The following AK5 variants were observed in gnomAD, a reference collection of about 807,000 sequenced individuals.
AK5 encodes the protein adenylate kinase 5.
A neutral mutation model predicts 69.5 loss-of-function variants in AK5; 27 were observed. That is an observed-to-expected ratio of 0.39 (90% CI 0.29 to 0.54). AK5 has a LOEUF of 0.54. Ranked by LOEUF, AK5 falls within the 20% of genes least tolerant of loss-of-function variation. The pLI is 0.71. For missense variants in AK5, 531 were observed against 700.4 expected, an observed-to-expected ratio of 0.76 and a Z score of 2.73; for synonymous variants, 260 against 244.4, an observed-to-expected ratio of 1.06 and a Z score of -0.60.
rs1177938723 is a variant in AK5, at chr1:77,340,480, T to C, written c.803T>C (p.Val268Ala). 1 of 1,614,146 alleles carries C rather than the reference T, an allele frequency of 6.2e-7. No homozygotes were observed. The highest frequency in any genetic ancestry group is 8.5e-7 in the Non-Finnish European group (1 of 1,179,996). The part of the protein sequence containing the change: ...AEQQGRPDDN[V>A]KATQRRLMNF... ...CAGCAGGGCCGACCAGACGACAATG[T>C]AAAAGCTACCCAAAGGAGACTAATG... is the stretch of plus-strand genomic sequence containing the variant. Residue 268 changes from valine (V) to alanine (A), a missense_variant, in exon 6 of 14, where the codon GTA (valine) becomes GCA (alanine). By Grantham distance (64) the Val-to-Ala change is moderately conservative. Transcript: ENST00000354567.
chr1:77,359,662 T>A (rs1466409022), intron 6 of AK5, among the ~76,000 whole-genome samples: 1 of 152,136 alleles, frequency 6.6e-6, no homozygotes, highest in Non-Finnish European at 1.5e-5. Flanking sequence ...AACATAGCAA[T>A]ATGGTATCTG....
rs1219573099 is a variant in AK5 at position 77,390,678 on chromosome 1, G to A, written c.892-20303G>A. Among the ~76,000 whole-genome samples, 7 of 152,142 alleles carry A rather than the reference G, an allele frequency of 4.6e-5. No homozygotes were observed. The East Asian group carries it at 1.2e-3, about 25-fold the overall frequency. ...TTTATTTCAACTTTGGAAGAACATA[G>A]GAAATAAAAGCAAACACAAAATGTT... On this transcript the variant is annotated intron_variant, in intron 6 of 13. Transcript: ENST00000354567.
chr1:77,459,755 T>C (rs1653713019), intron 8 of AK5, among the ~76,000 whole-genome samples: 1 of 152,200 alleles, frequency 6.6e-6, no homozygotes, highest in Non-Finnish European at 1.5e-5. Context: ...CCTCAGTACA[T>C]GGTGGCTATC....
intron 5 of AK5, among the ~76,000 whole-genome samples, chr1:77,327,438 G>C (rs1660862489): frequency 6.6e-6 from 1 of 151,672 alleles, no homozygotes. Flanking sequence ...TTGCTAAATG[G>C]TGACATTAAC....
chr1:77,511,064 T>C (rs1273032801), intron 10 of AK5, among the ~76,000 whole-genome samples: 2 of 151,422 alleles, frequency 1.3e-5, no homozygotes, highest in Admixed American at 6.6e-5. Flanking sequence ...AAATCATATA[T>C]ATAGTACCAC....
intron 6 of AK5, among the ~76,000 whole-genome samples, chr1:77,359,282 A>C (rs1033393611): frequency 4.0e-5 from 6 of 151,890 alleles, no homozygotes; most frequent in Non-Finnish European, 8.8e-5. Context: ...ATAAAAGAGA[A>C]CCCATTAAGA....
At position 77,444,322 on chromosome 1, in the gene AK5, GTA is replaced by G. The variant is rs1161369406; in HGVS notation, c.1059+26616_1059+26617del. On this transcript the variant is annotated intron_variant, in intron 8 of 13. Coordinates refer to ENST00000354567, the MANE Select transcript of AK5 (RefSeq NM_174858.3). ...TATAGTATATATACACAATATATGT[GTA>G]TATATATAGTATATATACACAATAT... Among the ~76,000 whole-genome samples the G allele has an allele frequency of 1.1e-3, 51 of 47,920 alleles. 2 individuals are homozygous for G. Among genetic ancestry groups the G allele is most frequent in the South Asian group, 2.2e-3 (3 of 1,380 alleles). 31.4% of individuals were successfully genotyped at this position (47,920 alleles called of 152,430 possible).
At chr1:77,350,377 G>A (rs1256924194) in intron 6 of AK5, among the ~76,000 whole-genome samples, 1 of 152,188 alleles carries the variant, frequency 6.6e-6, no homozygotes, top group East Asian at 1.9e-4. Flanking sequence ...GTAGTGAGAA[G>A]TAGAAACCAG....
intron 13 of AK5, among the ~76,000 whole-genome samples, chr1:77,556,281 G>A (rs1252420507): frequency 6.6e-6 from 1 of 152,132 alleles, no homozygotes. Flanking sequence ...AGTAACTCAT[G>A]TCCTGGATTT....
chr1:77,363,485 C>T (rs1400239352), intron 6 of AK5, among the ~76,000 whole-genome samples: 1 of 152,190 alleles, frequency 6.6e-6, no homozygotes, highest in African/African-American at 2.4e-5. Flanking sequence ...AAGATGATGT[C>T]ACTTTCCTAT....
intron 8 of AK5, among the ~76,000 whole-genome samples, chr1:77,440,519 C>T (rs1054479320): frequency 6.6e-6 from 1 of 152,128 alleles, no homozygotes; most frequent in Non-Finnish European, 1.5e-5. Flanking sequence ...CATATATCCC[C>T]TCAGACTTGG....
intron 13 of AK5, among the ~76,000 whole-genome samples, chr1:77,553,896 T>A (rs1659941688): frequency 6.6e-6 from 1 of 152,054 alleles, no homozygotes; most frequent in South Asian, 2.1e-4. Context: ...ACAGATTTGC[T>A]GAAAAGAGAT....
intron 12 of AK5, among the ~76,000 whole-genome samples, chr1:77,535,614 C>T (rs1166562181): frequency 2.0e-5 from 3 of 152,066 alleles, no homozygotes; most frequent in South Asian, 2.1e-4. Flanking sequence ...GTCTGCATCA[C>T]GTGAGGTGGC....
At chr1:77,527,423 G>A (rs887383022) in intron 12 of AK5, among the ~76,000 whole-genome samples, 20 of 152,276 alleles carry the variant, frequency 1.3e-4, no homozygotes, top group East Asian at 3.9e-4. Flanking sequence ...TGTGGTCCCC[G>A]TTCAGACCGG....
At chr1:77,418,467 G>A (rs1323745808) in intron 8 of AK5, among the ~76,000 whole-genome samples, 1 of 152,142 alleles carries the variant, frequency 6.6e-6, no homozygotes, top group Admixed American at 6.6e-5. Context: ...TCTGTGGAAG[G>A]GAATGATGAA....
At chr1:77,310,624 AC>A (rs1659896555) in intron 5 of AK5, among the ~76,000 whole-genome samples, 1 of 151,582 alleles carries the variant, frequency 6.6e-6, no homozygotes, top group South Asian at 2.1e-4. Flanking sequence ...CTGGTGATCC[AC>A]CCGCCTCGGC....
chr1:77,361,741 G>C (rs1337190544), intron 6 of AK5, among the ~76,000 whole-genome samples: 1 of 152,160 alleles, frequency 6.6e-6, no homozygotes, highest in East Asian at 1.9e-4. Context: ...AGCAAGCAAA[G>C]AGAGCTTGTG....
intron 10 of AK5, among the ~76,000 whole-genome samples, chr1:77,505,643 G>C (rs1038415244): frequency 2.0e-5 from 3 of 151,964 alleles, no homozygotes; most frequent in African/African-American, 7.3e-5. Flanking sequence ...GAGGCAAGTG[G>C]ATAACTTGAG....
intron 5 of AK5, among the ~76,000 whole-genome samples, chr1:77,319,857 T>A (rs1660431159): frequency 6.6e-6 from 1 of 152,246 alleles, no homozygotes; most frequent in South Asian, 2.1e-4. Context: ...CTGTGAAGAA[T>A]GATTATGTGT....
Sources: gnomAD v4.1 joint callset for allele counts (sites outside exome capture counted in the v4.1 genomes callset) on GRCh38, gnomAD v4.1.1 for gene constraint, MANE v1.5 for transcripts, NCBI Gene and HGNC (gene_info 2026-07-23, HGNC 2026-07-21) for gene names.